FOXN3: variants seen among roughly 807,000 people sequenced by gnomAD.
The protein encoded by FOXN3 is forkhead box N3, also known as forkhead box protein N3.
FOXN3 carries 7 observed loss-of-function variants against 38.4 expected under a neutral mutation model. That is an observed-to-expected ratio of 0.18 (90% CI 0.10 to 0.34). The LOEUF (loss-of-function observed/expected upper bound fraction) is 0.34, where lower values mean the gene tolerates loss of function less well. Among genes scored for constraint, FOXN3 ranks in the 10% least tolerant of loss-of-function variants. The pLI is 1.00. For missense variants in FOXN3, 456 were observed against 613.4 expected (o/e 0.74, Z 2.71); for synonymous variants, 230 against 242.2 (o/e 0.95, Z 0.47).
intron 1 of FOXN3, among the ~76,000 whole-genome samples, chr14:89,508,698 T>A (rs547726421): frequency 6.6e-6 from 1 of 152,282 alleles, no homozygotes; most frequent in Admixed American, 6.5e-5. Flanking sequence ...CCATTGCTTC[T>A]CCAATGTTCG....
intron 3 of FOXN3, among the ~76,000 whole-genome samples, chr14:89,316,848 A>G (rs1235259783): frequency 6.6e-6 from 1 of 152,048 alleles, no homozygotes; most frequent in Admixed American, 6.6e-5. Flanking sequence ...TATTTTTAGT[A>G]GAGACGGGGT....
intron 2 of FOXN3, among the ~76,000 whole-genome samples, chr14:89,385,440 G>A (rs925896180): frequency 4.1e-4 from 60 of 147,656 alleles, no homozygotes; most frequent in African/African-American, 1.4e-3. Flanking sequence ...AAAGCCATCC[G>A]TGTCCTGAGG....
chr14:89,172,962 A>C (rs1259776180), intron 5 of FOXN3, among the ~76,000 whole-genome samples: 1 of 152,190 alleles, frequency 6.6e-6, no homozygotes, highest in Non-Finnish European at 1.5e-5. Flanking sequence ...TTTTTAAGAC[A>C]CCAGATTTCA....
chr14:89,216,586 T>C (rs1004567779), intron 4 of FOXN3, among the ~76,000 whole-genome samples: 2 of 152,152 alleles, frequency 1.3e-5, no homozygotes, highest in African/African-American at 4.8e-5. Flanking sequence ...TCTAAGCTTC[T>C]GTAGGCTCTT....
At chr14:89,410,418 G>A (rs987638823) in intron 2 of FOXN3, among the ~76,000 whole-genome samples, 9 of 152,146 alleles carry the variant, frequency 5.9e-5, no homozygotes, top group Non-Finnish European at 1.3e-4. Context: ...AACACACAAA[G>A]CGGGAAAACA....
chr14:89,518,967 A>T (rs453546), intron 1 of FOXN3, among the ~76,000 whole-genome samples: 72,975 of 151,628 alleles, frequency 0.48, 18,182 homozygotes, highest in Non-Finnish European at 0.53. Flanking sequence ...GTGGGCCGAG[A>T]TCATACCACT....
chr14:89,187,604 C>T (rs1315120246), intron 4 of FOXN3, among the ~76,000 whole-genome samples: 2 of 152,174 alleles, frequency 1.3e-5, no homozygotes, highest in Non-Finnish European at 2.9e-5. Flanking sequence ...AATGCTTCTC[C>T]CTTAAGAAGG....
intron 4 of FOXN3, among the ~76,000 whole-genome samples, chr14:89,258,255 C>A (rs1320297742): frequency 1.3e-5 from 2 of 152,158 alleles, no homozygotes; most frequent in African/African-American, 2.4e-5. Context: ...CAATGGACAA[C>A]AGTTCTGATT....
intron 1 of FOXN3, among the ~76,000 whole-genome samples, chr14:89,456,564 G>A (rs1367982795): frequency 6.6e-6 from 1 of 152,132 alleles, no homozygotes; most frequent in Non-Finnish European, 1.5e-5. Flanking sequence ...GACCAGCCTG[G>A]GCAACATGGC....
intron 1 of FOXN3, among the ~76,000 whole-genome samples, chr14:89,507,418 G>A (rs928595881): frequency 6.6e-6 from 1 of 152,198 alleles, no homozygotes; most frequent in South Asian, 2.1e-4. Flanking sequence ...TGAGAAATTT[G>A]AGAATTTGGC....
chr14:89,427,980 T>C (rs1892076110), intron 1 of FOXN3, among the ~76,000 whole-genome samples: 1 of 152,228 alleles, frequency 6.6e-6, no homozygotes, highest in African/African-American at 2.4e-5. Context: ...TTCCTCTCTT[T>C]AGTGAGTACA....
At chr14:89,511,659 T>G (rs888473793) in intron 1 of FOXN3, among the ~76,000 whole-genome samples, 2 of 152,110 alleles carry the variant, frequency 1.3e-5, no homozygotes, top group African/African-American at 4.8e-5. Context: ...CTCAGTGGTC[T>G]TTGCAGTCCT....
chr14:89,418,804 C>T (rs1891828700), upstream of FOXN3, among the ~76,000 whole-genome samples: 1 of 152,152 alleles, frequency 6.6e-6, no homozygotes, highest in Non-Finnish European at 1.5e-5. Flanking sequence ...CCTCCATCAG[C>T]GCGTCAGTTG....
At chr14:89,513,164 A>AG (rs988577049) in intron 1 of FOXN3, among the ~76,000 whole-genome samples, 7 of 148,668 alleles carry the variant, frequency 4.7e-5, no homozygotes, top group African/African-American at 7.7e-5. Context: ...AAAAAAAAAA[A>AG]AAAAAGAAAA....
chr14:89,417,589 C>G, upstream of FOXN3: 1 of 387,740 alleles, frequency 2.6e-6, no homozygotes, highest in South Asian at 1.8e-5. Flanking sequence ...AGCGGGCCGG[C>G]GCTGCGCTGC....
At position 89,537,733 on chromosome 14, in the gene FOXN3, C is replaced by T. The variant is rs139949872; in HGVS notation, c.-15+81295G>A. Among the ~76,000 whole-genome samples the T allele has an allele frequency of 1.4e-3, 211 of 152,250 alleles. 2 individuals carry two copies. The highest frequency in any genetic ancestry group is 5.0e-3 in the African/African-American group (206 of 41,542). On this transcript the variant is annotated intron_variant, in intron 1 of 6. Coordinates refer to the FOXN3 transcript ENST00000345097. Reference sequence around the variant, plus strand: ...ATCTCTAGATCCAGAATGAACTTACCAAACAACTTTAGGCCATGTTGTTAA... The same window carrying T: ...ATCTCTAGATCCAGAATGAACTTACTAAACAACTTTAGGCCATGTTGTTAA...
intron 4 of FOXN3, among the ~76,000 whole-genome samples, chr14:89,229,486 A>T (rs1489366636): frequency 6.6e-6 from 1 of 152,202 alleles, no homozygotes; most frequent in Non-Finnish European, 1.5e-5. Context: ...AAGTTTGCCA[A>T]AAGACAGTTG....
chr14:89,390,006 A>C, intron 2 of FOXN3, among the ~76,000 whole-genome samples: 1 of 152,036 alleles, frequency 6.6e-6, no homozygotes. Flanking sequence ...GATCACATGC[A>C]CTCAGGAGTT....
At chr14:89,227,227 G>A (rs1482403701) in intron 4 of FOXN3, among the ~76,000 whole-genome samples, 3 of 152,162 alleles carry the variant, frequency 2.0e-5, no homozygotes, top group Non-Finnish European at 2.9e-5. Context: ...GGAATTTTAA[G>A]CTGTTCTGGG....
Sources: gnomAD v4.1 joint callset for allele counts (sites outside exome capture counted in the v4.1 genomes callset) on GRCh38, gnomAD v4.1.1 for gene constraint, MANE v1.5 for transcripts, NCBI Gene and HGNC (gene_info 2026-07-23, HGNC 2026-07-21) for gene names.